Variants in DPP10 observed in about 807,000 individuals in gnomAD.
DPP10 encodes the protein dipeptidyl peptidase like 10, also known as inactive dipeptidyl peptidase 10.
Under a neutral mutation model 120.9 loss-of-function variants are expected in DPP10, and 33 were observed. The observed-to-expected ratio is 0.27, with a 90% CI of 0.21 to 0.37. The LOEUF (loss-of-function observed/expected upper bound fraction) is 0.37. Among genes scored for constraint, DPP10 ranks in the 10% least tolerant of loss-of-function variants. The pLI, the probability that DPP10 is intolerant of heterozygous loss-of-function variation, is 1.00. For synonymous variants in DPP10, 337 were observed against 326.1 expected (o/e 1.03, Z -0.36); for missense variants, 816 against 942.8 (o/e 0.87, Z 1.76).
chr2:114,524,157 C>T (rs1019456195), intron 1 of DPP10, among the ~76,000 whole-genome samples: 7 of 152,138 alleles, frequency 4.6e-5, no homozygotes, highest in African/African-American at 1.7e-4. Flanking sequence ...CAATGAGATC[C>T]AGGGGGTTTT....
intron 1 of DPP10, among the ~76,000 whole-genome samples, chr2:114,703,849 C>T (rs550306266): frequency 6.6e-6 from 1 of 152,268 alleles, no homozygotes; most frequent in South Asian, 2.1e-4. Context: ...GAAAATTTGA[C>T]TCAAACACAC....
At chr2:114,599,743 C>A (rs1453971621) in intron 1 of DPP10, among the ~76,000 whole-genome samples, 1 of 151,670 alleles carries the variant, frequency 6.6e-6, no homozygotes, top group Non-Finnish European at 1.5e-5. Flanking sequence ...CATGCCCAAG[C>A]CATGTAGATA....
chr2:115,498,550 C>T (rs1029723314), intron 3 of DPP10, among the ~76,000 whole-genome samples: 1 of 151,566 alleles, frequency 6.6e-6, no homozygotes, highest in Non-Finnish European at 1.5e-5. Context: ...CACCTTTCTT[C>T]CTAGAATGAG....
At chr2:115,154,811 AAAGAT>A (rs1196503999) in intron 1 of DPP10, among the ~76,000 whole-genome samples, 1 of 152,104 alleles carries the variant, frequency 6.6e-6, no homozygotes, top group Non-Finnish European at 1.5e-5. Context: ...TATTAGTAGA[AAAGAT>A]AAGATGCCCC....
At chr2:114,774,396 C>CAAAAAA (rs1041208165) in intron 1 of DPP10, among the ~76,000 whole-genome samples, 15 of 137,070 alleles carry the variant, frequency 1.1e-4, no homozygotes, top group Admixed American at 7.4e-4. Flanking sequence ...GGACCTATGA[C>CAAAAAA]AAAAAAAAAA....
chr2:115,433,416 T>C (rs2071190423), intron 3 of DPP10, among the ~76,000 whole-genome samples: 1 of 152,058 alleles, frequency 6.6e-6, no homozygotes, highest in South Asian at 2.1e-4. Flanking sequence ...TTTGTGTGTA[T>C]GTGTGTTTCC....
intron 1 of DPP10, among the ~76,000 whole-genome samples, chr2:114,481,959 GGAGA>G (rs145578051): frequency 6.7e-5 from 10 of 149,262 alleles, no homozygotes; most frequent in African/African-American, 2.0e-4. Context: ...GAGGAGGAGA[GGAGA>G]GAGAGAGAGA....
At chr2:114,546,483 G>A (rs1205645859) in intron 1 of DPP10, among the ~76,000 whole-genome samples, 4 of 152,184 alleles carry the variant, frequency 2.6e-5, no homozygotes, top group Non-Finnish European at 4.4e-5. Flanking sequence ...ACATTTCAAT[G>A]TGAGATTTGG....
intron 1 of DPP10, among the ~76,000 whole-genome samples, chr2:114,757,375 A>T (rs1679868051): frequency 6.7e-6 from 1 of 148,222 alleles, no homozygotes; most frequent in South Asian, 2.2e-4. Context: ...AGGGAGAAGT[A>T]AAAGAAGGAA....
intron 1 of DPP10, among the ~76,000 whole-genome samples, chr2:114,542,291 A>G (rs921738434): frequency 2.0e-5 from 3 of 152,028 alleles, no homozygotes; most frequent in African/African-American, 7.2e-5. Flanking sequence ...CAGTTGATCC[A>G]CAAGTCCCAG....
chr2:114,649,082 A>C (rs1259542816), intron 1 of DPP10, among the ~76,000 whole-genome samples: 2 of 152,202 alleles, frequency 1.3e-5, no homozygotes, highest in African/African-American at 2.4e-5. Flanking sequence ...TAAAATGGTG[A>C]CATTTCTGTC....
At chr2:115,763,204 A>C (rs1422724902) in intron 12 of DPP10, among the ~76,000 whole-genome samples, 1 of 152,156 alleles carries the variant, frequency 6.6e-6, no homozygotes, top group Non-Finnish European at 1.5e-5. Context: ...TTGCAAAGGG[A>C]AATAAGATGT....
At chr2:115,481,565 A>G (rs2075429836) in intron 3 of DPP10, among the ~76,000 whole-genome samples, 1 of 152,102 alleles carries the variant, frequency 6.6e-6, no homozygotes, top group African/African-American at 2.4e-5. Flanking sequence ...CATGGATGAA[A>G]TGAAGTCGTT....
chr2:114,896,529 C>A lies in DPP10; in HGVS notation c.61-412710C>A, dbSNP rs562186344. 2.6e-5 allele frequency among the ~76,000 whole-genome samples: 4 copies of A among 151,742 alleles called. No homozygotes were observed. The East Asian group carries it at 7.8e-4, about 29-fold the overall frequency. On this transcript the variant is annotated intron_variant, in intron 1 of 25. Coordinates refer to ENST00000410059, the MANE Select transcript of DPP10 (RefSeq NM_020868.6). ...ATGGGAGTTCACTCATGATTTGGCT[C>A]TCTGTTTGTCTGTTATTGGTGTATA...
intron 1 of DPP10, among the ~76,000 whole-genome samples, chr2:115,151,267 TTGCCCTACA>T (rs1177956425): frequency 6.6e-6 from 1 of 152,192 alleles, no homozygotes; most frequent in African/African-American, 2.4e-5. Flanking sequence ...AAGTATTCTT[TTGCCCTACA>T]TGCCCAAGTA....
At chr2:115,444,860 A>ATTAT (rs2104905932) in intron 3 of DPP10, among the ~76,000 whole-genome samples, 1 of 152,300 alleles carries the variant, frequency 6.6e-6, no homozygotes, top group African/African-American at 2.4e-5. Context: ...ACAAGATTCA[A>ATTAT]TTATCATTAA....
intron 1 of DPP10, among the ~76,000 whole-genome samples, chr2:114,674,044 C>G (rs550461140): frequency 1.3e-5 from 2 of 151,828 alleles, no homozygotes; most frequent in Non-Finnish European, 2.9e-5. Flanking sequence ...AAAATCTTTT[C>G]ATTTTATGTT....
Position 114,779,796 on chromosome 2 carries a change from G to A in DPP10, c.60+336958G>A, listed in dbSNP as rs188683530. Among the ~76,000 whole-genome samples the A allele has an allele frequency of 1.7e-3, 261 of 152,250 alleles. 3 individuals carry two copies. The highest frequency in any genetic ancestry group is 0.016 in the Admixed American group (241 of 15,296). On this transcript the variant is annotated intron_variant, in intron 1 of 25. Transcript: ENST00000410059. Reference sequence around the variant, plus strand: ...TAGATATTTATGCTTCTGTGATCATGTTTATCAAAAATTCCAAAAACATTT... The same window carrying A: ...TAGATATTTATGCTTCTGTGATCATATTTATCAAAAATTCCAAAAACATTT...
In DPP10 at chr2:114,997,477, C is replaced by T. The variant is rs559338046; in HGVS notation, c.61-311762C>T. Reference sequence around the variant, plus strand: ...ACTGCACTCCAACTTGAGTACAGAGCGAGACTCCGTCTCAAAAAAAAAGAA... The same window carrying T: ...ACTGCACTCCAACTTGAGTACAGAGTGAGACTCCGTCTCAAAAAAAAAGAA... On this transcript the variant is annotated intron_variant, in intron 1 of 25. Coordinates refer to ENST00000410059, the MANE Select transcript of DPP10 (RefSeq NM_020868.6). Among the ~76,000 whole-genome samples the T allele has an allele frequency of 3.5e-4, 50 of 142,994 alleles. No homozygotes were observed. The South Asian group carries it at 1.0e-2, about 29-fold the overall frequency. The allele number at this position is 142,994 out of a possible 152,430, so 93.8% of individuals were successfully genotyped here. A position where few individuals can be genotyped will look rare whatever the true frequency, so the allele number is the denominator to read the frequency against.
Sources: gnomAD v4.1 joint callset for allele counts (sites outside exome capture counted in the v4.1 genomes callset) on GRCh38, gnomAD v4.1.1 for gene constraint, MANE v1.5 for transcripts, NCBI Gene and HGNC (gene_info 2026-07-23, HGNC 2026-07-21) for gene names.